The following TM9SF3 variants were observed in gnomAD, a reference collection of about 807,000 sequenced individuals.
TM9SF3 encodes SM-11044-binding protein.
A neutral mutation model predicts 78.6 loss-of-function variants in TM9SF3; 14 were observed. The ratio of observed to expected loss-of-function variants is 0.18; its 90% CI spans 0.12 to 0.28. The LOEUF (loss-of-function observed/expected upper bound fraction) is 0.28, where lower values mean the gene tolerates loss of function less well. TM9SF3 is among the 10% of genes least tolerant of loss of function. The probability of loss-of-function intolerance (pLI) is 1.00; values close to 1 mark genes in which losing one functional copy is unlikely to be tolerated. For synonymous variants in TM9SF3, 231 were observed against 241.7 expected, an observed-to-expected ratio of 0.96 and a Z score of 0.41; for missense variants, 496 against 721.9, an observed-to-expected ratio of 0.69 and a Z score of 3.59.
In TM9SF3 at chr10:96,551,433, G is replaced by T. The variant is rs10882816; in HGVS notation, c.793-22C>A. On this transcript the variant is annotated intron_variant, in intron 6 of 14. Transcript: ENST00000371142. ...TATCCTATATACAAATATATATATAGAGAGAGAAAAGCAAATCATTCAGAA... is the reference window on the plus strand; with the variant it reads ...TATCCTATATACAAATATATATATATAGAGAGAAAAGCAAATCATTCAGAA... 396,297 of 1,399,754 alleles carry T rather than the reference G, an allele frequency of 0.28. 56,328 individuals carry two copies. The highest frequency in any genetic ancestry group is 0.38 in the East Asian group (14,794 of 38,520). The allele number at this position is 1,399,754 out of a possible 1,614,324, so 86.7% of individuals were successfully genotyped here.
chr10:96,534,921 G>T (rs1432561825), intron 9 of TM9SF3, among the ~76,000 whole-genome samples: 2 of 152,102 alleles, frequency 1.3e-5, no homozygotes, highest in African/African-American at 4.8e-5. Flanking sequence ...TTTTGTCATT[G>T]ATTAGGAAGG....
Position 96,527,921 on chromosome 10 carries a change from A to T in TM9SF3, c.1541+110T>A, listed in dbSNP as rs1847856482. 5.4e-6 allele frequency: 6 copies of T among 1,104,230 alleles called. No individual in the cohort carries two copies. In the South Asian group the frequency reaches 1.3e-4, roughly 23 times the overall value. 68.4% of individuals were successfully genotyped at this position (1,104,230 alleles called of 1,614,324 possible). A position where few individuals can be genotyped will look rare whatever the true frequency, so the allele number is the denominator to read the frequency against. Reference sequence around the variant, plus strand: ...TGGAAAAAAATCCCTATGCTATTTTAAGTAACAACATTTCTATACAGCTCT... The same window carrying T: ...TGGAAAAAAATCCCTATGCTATTTTTAGTAACAACATTTCTATACAGCTCT... On this transcript the variant is annotated intron_variant, in intron 12 of 14. Coordinates refer to ENST00000371142, the MANE Select transcript of TM9SF3 (RefSeq NM_020123.4).
In TM9SF3 at chr10:96,538,724, T is replaced by C. The variant is rs190075206; in HGVS notation, c.1185+5352A>G. The stretch of plus-strand genomic sequence containing the variant: ...TTAAAATAGGCAAAAGATCTGAACA[T>C]TCATTAAAGAAAATATACAGATGGC... On this transcript the variant is annotated intron_variant, in intron 9 of 14. Coordinates refer to ENST00000371142, the MANE Select transcript of TM9SF3 (RefSeq NM_020123.4). Among the ~76,000 whole-genome samples the C allele has an allele frequency of 1.9e-3, 295 of 152,190 alleles. 1 individual carries two copies. The highest frequency in any genetic ancestry group is 2.5e-3 in the Non-Finnish European group (169 of 67,990).
chr10:96,584,079 A>C (rs1848604081), intron 1 of TM9SF3, among the ~76,000 whole-genome samples: 1 of 152,138 alleles, frequency 6.6e-6, no homozygotes, highest in African/African-American at 2.4e-5. Flanking sequence ...TGCATAGCCC[A>C]TTTTACTACA....
intron 2 of TM9SF3, among the ~76,000 whole-genome samples, chr10:96,572,628 G>A (rs923340490): frequency 7.7e-4 from 115 of 149,400 alleles, no homozygotes; most frequent in African/African-American, 2.7e-3. Context: ...CTGGGTTCAC[G>A]CCATTCTCCT....
intron 8 of TM9SF3, among the ~76,000 whole-genome samples, chr10:96,544,584 G>C (rs1217106110): frequency 6.6e-6 from 1 of 152,038 alleles, no homozygotes; most frequent in Non-Finnish European, 1.5e-5. Flanking sequence ...TTGGAGTTCT[G>C]GAGCTTCTTG....
At chr10:96,548,432 T>C (rs1457967309) in intron 7 of TM9SF3, among the ~76,000 whole-genome samples, 1 of 152,206 alleles carries the variant, frequency 6.6e-6, no homozygotes, top group Admixed American at 6.5e-5. Context: ...AACAGTAGTA[T>C]AATCTATATT....
At position 96,545,993 on chromosome 10, in the gene TM9SF3, G is replaced by A. The variant is rs1412303657; in HGVS notation, c.1055-1787C>T. 2.6e-5 allele frequency among the ~76,000 whole-genome samples: 4 copies of A among 152,004 alleles called. No homozygotes were observed. In the East Asian group the frequency reaches 7.7e-4, roughly 29 times the overall value. On this transcript the variant is annotated intron_variant, in intron 8 of 14. Transcript: ENST00000371142. ...AAAGAATCCTGTACACATTCCACTG[G>A]GTACAACCAGTAACCCAAGTATCTG...
At chr10:96,527,392 T>C in intron 13 of TM9SF3, 21 bp downstream of exon 13, 1 of 1,598,324 alleles carries the variant, frequency 6.3e-7, no homozygotes, top group Non-Finnish European at 8.5e-7. Flanking sequence ...AAATAAAAGG[T>C]AAAAAAATGT....
At chr10:96,572,981 C>T (rs1002544319) in intron 2 of TM9SF3, among the ~76,000 whole-genome samples, 2 of 152,002 alleles carry the variant, frequency 1.3e-5, no homozygotes, top group South Asian at 2.1e-4. Flanking sequence ...TTTTACAAAA[C>T]GATACCAATC....
chr10:96,581,574 T>G (rs1848570041), intron 1 of TM9SF3, among the ~76,000 whole-genome samples: 1 of 152,232 alleles, frequency 6.6e-6, no homozygotes, highest in African/African-American at 2.4e-5. Context: ...AAATAAACTT[T>G]CAGTCTATCA....
intron 5 of TM9SF3, among the ~76,000 whole-genome samples, chr10:96,558,424 C>T (rs1848260827): frequency 6.6e-6 from 1 of 152,060 alleles, no homozygotes. Flanking sequence ...AGGTGGATCA[C>T]TTGAGGTCAG....
chr10:96,562,220 T>C (rs1216798055), intron 3 of TM9SF3, 82 bp from the exon 4 acceptor site: 2 of 934,476 alleles, frequency 2.1e-6, no homozygotes, highest in Non-Finnish European at 3.0e-6. Context: ...CATTAAGTTT[T>C]TTTTTTTTTT....
chr10:96,570,504 T>C (rs1311042023), intron 2 of TM9SF3, among the ~76,000 whole-genome samples: 1 of 152,152 alleles, frequency 6.6e-6, no homozygotes, highest in Non-Finnish European at 1.5e-5. Context: ...TAGTACAAGG[T>C]ATAAGAAATC....
At chr10:96,568,431 AAAG>A (rs1760886912) in intron 2 of TM9SF3, among the ~76,000 whole-genome samples, 1 of 152,242 alleles carries the variant, frequency 6.6e-6, no homozygotes, top group Non-Finnish European at 1.5e-5. Context: ...GGAAAAAAAC[AAAG>A]TAGTAAAGTG....
chr10:96,569,448 G>T (rs571331976), intron 2 of TM9SF3, among the ~76,000 whole-genome samples: 1 of 152,216 alleles, frequency 6.6e-6, no homozygotes, highest in South Asian at 2.1e-4. Flanking sequence ...AGGAAAACAA[G>T]AACTGGAAAA....
chr10:96,575,743 AG>A (rs1338050174), intron 2 of TM9SF3, among the ~76,000 whole-genome samples: 2 of 151,516 alleles, frequency 1.3e-5, no homozygotes, highest in African/African-American at 4.8e-5. Context: ...AAAAAAAAAA[AG>A]GAGGATTAAA....
chr10:96,551,487 A>G, intron 6 of TM9SF3, 76 bp from the exon 7 acceptor site: 1 of 1,164,350 alleles, frequency 8.6e-7, no homozygotes. Context: ...TGTAAAAATT[A>G]CAGTTGTAAG....
intron 9 of TM9SF3, among the ~76,000 whole-genome samples, chr10:96,540,136 T>G (rs758239208): frequency 6.6e-6 from 1 of 152,244 alleles, no homozygotes; most frequent in Non-Finnish European, 1.5e-5. Flanking sequence ...TTCATTATTT[T>G]ATATTACTAG....
Sources: allele counts gnomAD v4.1 joint callset (sites outside exome capture counted in the v4.1 genomes callset), GRCh38; gene constraint gnomAD v4.1.1; transcripts MANE v1.5; gene names NCBI Gene and HGNC (gene_info 2026-07-23, HGNC 2026-07-21).